Variants in ALK observed in about 807,000 individuals in gnomAD.
ALK encodes ALK tyrosine kinase receptor.
A neutral mutation model predicts 163.1 loss-of-function variants in ALK; 74 were observed. That is an observed-to-expected ratio of 0.45 (90% confidence interval 0.38 to 0.55). The LOEUF is 0.55. Ranked by LOEUF, ALK falls within the 20% of genes least tolerant of loss-of-function variation. The pLI is 0.00. For missense variants in ALK, 2,063 were observed against 2,105.3 expected (o/e 0.98, Z 0.39); for synonymous variants, 960 against 843.2 (o/e 1.14, Z -2.40).
chr2:29,874,167 G>A (rs1249892786), intron 1 of ALK, among the ~76,000 whole-genome samples: 1 of 152,118 alleles, frequency 6.6e-6, no homozygotes, highest in Non-Finnish European at 1.5e-5. Flanking sequence ...AGCACTTGTT[G>A]GTATGACTGT....
chr2:29,250,970 C>T lies in ALK; in HGVS notation c.2204+135G>A, dbSNP rs116695535. The stretch of plus-strand genomic sequence containing the variant: ...ATCTCCCCATCTCCAACCTTTATAC[C>T]CCCTATGGGCCTGAGTCTGTTGCCT... On this transcript the variant is annotated intron_variant, in intron 12 of 28. Transcript: ENST00000389048. 3.8e-6 allele frequency: 3 copies of T among 798,480 alleles called. No homozygotes were observed. The South Asian group carries it at 5.5e-5, about 15-fold the overall frequency. The allele number at this position is 798,480 out of a possible 1,614,324, so 49.5% of individuals were successfully genotyped here.
intron 3 of ALK, among the ~76,000 whole-genome samples, chr2:29,566,980 C>T (rs1573461747): frequency 6.6e-6 from 1 of 152,088 alleles, no homozygotes; most frequent in African/African-American, 2.4e-5. Context: ...AAGTCATAAG[C>T]TATGAGTAAT....
chr2:29,834,849 G>A (rs1309594386), intron 1 of ALK, among the ~76,000 whole-genome samples: 4 of 152,170 alleles, frequency 2.6e-5, no homozygotes, highest in African/African-American at 4.8e-5. Flanking sequence ...AGCACTAACA[G>A]TACCATCAAT....
At chr2:29,435,180 A>G (rs1342750778) in intron 4 of ALK, among the ~76,000 whole-genome samples, 3 of 152,152 alleles carry the variant, frequency 2.0e-5, no homozygotes, top group Admixed American at 2.0e-4. Context: ...AAGGAAGCAA[A>G]GAGTCTCTAC....
At chr2:29,620,033 G>A (rs575842141) in intron 3 of ALK, among the ~76,000 whole-genome samples, 6 of 152,220 alleles carry the variant, frequency 3.9e-5, no homozygotes, top group Admixed American at 3.3e-4. Flanking sequence ...TCCAGTAGAC[G>A]TTCCAGCCTT....
At chr2:29,500,467 A>G (rs1672143183) in intron 4 of ALK, among the ~76,000 whole-genome samples, 2 of 152,178 alleles carry the variant, frequency 1.3e-5, no homozygotes, top group African/African-American at 2.4e-5. Flanking sequence ...CTGCAGAACC[A>G]TGACCTAATT....
At chr2:29,253,617 T>C (rs77496090) in intron 11 of ALK, among the ~76,000 whole-genome samples, 57 of 152,090 alleles carry the variant, frequency 3.7e-4, no homozygotes, top group African/African-American at 1.4e-3. Context: ...AGTCAGTGGG[T>C]TGGGGAGGAG....
intron 3 of ALK, among the ~76,000 whole-genome samples, chr2:29,621,150 G>T (rs1676025042): frequency 6.6e-6 from 1 of 152,024 alleles, no homozygotes. Context: ...ATCATTCATG[G>T]CCTCTAATTT....
chr2:29,365,615 G>A (rs1234369596), intron 5 of ALK, among the ~76,000 whole-genome samples: 1 of 152,198 alleles, frequency 6.6e-6, no homozygotes, highest in East Asian at 1.9e-4. Context: ...TTTGCCAGGA[G>A]ATAATTTGGT....
chr2:29,206,206 T>A (rs924197792), intron 26 of ALK, among the ~76,000 whole-genome samples: 21 of 150,994 alleles, frequency 1.4e-4, no homozygotes, highest in African/African-American at 5.1e-4. Context: ...CTCCCTTTCT[T>A]CTCTCTCCTC....
chr2:29,756,290 G>A (rs1680528260), intron 1 of ALK, among the ~76,000 whole-genome samples: 1 of 152,154 alleles, frequency 6.6e-6, no homozygotes, highest in Non-Finnish European at 1.5e-5. Context: ...AAGACTCCCA[G>A]GACTTTTGTT....
At chr2:29,633,289 T>C (rs2339554) in intron 3 of ALK, among the ~76,000 whole-genome samples, 2 of 151,818 alleles carry the variant, frequency 1.3e-5, no homozygotes, top group African/African-American at 4.8e-5. Flanking sequence ...TGCACTCTTG[T>C]TCTGAGCTCA....
In ALK at chr2:29,556,091, G is replaced by A. The variant is rs370326736; in HGVS notation, c.953-23975C>T. ...CAAAATGCACCCCAAGCCAAACCTG[G>A]CATCAGGAATTTGTACCTGTGATAG... On this transcript the variant is annotated intron_variant, in intron 3 of 28. Coordinates refer to ENST00000389048, the MANE Select transcript of ALK (RefSeq NM_004304.5). 2.3e-4 allele frequency among the ~76,000 whole-genome samples: 35 copies of A among 152,200 alleles called. No homozygotes were observed. The East Asian group carries it at 4.8e-3, about 21-fold the overall frequency.
Position 29,330,537 on chromosome 2 carries a change from T to G in ALK, c.1283-2056A>C, listed in dbSNP as rs185355433. ...CCTGGCCCCTAGGAGGGTTCATGAA[T>G]GCCTGCACATTAGGTTACCTATCTT... On this transcript the variant is annotated intron_variant, in intron 5 of 28. Transcript: ENST00000389048. 4.7e-4 allele frequency among the ~76,000 whole-genome samples: 71 copies of G among 152,338 alleles called. 1 individual carries two copies. Among genetic ancestry groups the G allele is most frequent in the Admixed American group, 4.4e-3 (67 of 15,302 alleles).
chr2:29,299,820 G>A (rs72852088), intron 8 of ALK, among the ~76,000 whole-genome samples: 8 of 152,292 alleles, frequency 5.3e-5, no homozygotes, highest in East Asian at 1.9e-4. Flanking sequence ...GGCATACCAC[G>A]AGTTCCATTT....
intron 3 of ALK, among the ~76,000 whole-genome samples, chr2:29,691,007 A>AC (rs1558443932): frequency 6.6e-6 from 1 of 152,194 alleles, no homozygotes; most frequent in East Asian, 1.9e-4. Context: ...GGAATATAGG[A>AC]CACTGCTTGG....
chr2:29,839,961 A>T (rs80353518), intron 1 of ALK, among the ~76,000 whole-genome samples: 5,121 of 152,324 alleles, frequency 0.034, 170 homozygotes, highest in African/African-American at 0.085. Flanking sequence ...AGGCAGCATT[A>T]ACACAATTCA....
At chr2:29,529,951 G>C (rs1489345682) in intron 4 of ALK, among the ~76,000 whole-genome samples, 1 of 152,116 alleles carries the variant, frequency 6.6e-6, no homozygotes. Flanking sequence ...GGTGGACGTT[G>C]AGGCAGGTGA....
chr2:29,762,890 C>A (rs1402796913), intron 1 of ALK, among the ~76,000 whole-genome samples: 1 of 152,022 alleles, frequency 6.6e-6, no homozygotes, highest in Non-Finnish European at 1.5e-5. Flanking sequence ...AGATAGAGAC[C>A]ATCCTGGCCA....
Sources: gnomAD v4.1 joint callset for allele counts (sites outside exome capture counted in the v4.1 genomes callset) on GRCh38, gnomAD v4.1.1 for gene constraint, MANE v1.5 for transcripts, NCBI Gene and HGNC (gene_info 2026-07-23, HGNC 2026-07-21) for gene names.